The following FAM20A variants were observed in gnomAD, a reference collection of about 807,000 sequenced individuals.
FAM20A encodes FAM20A golgi associated secretory pathway pseudokinase.
In FAM20A, 42 loss-of-function variants were observed where a neutral mutation model predicts 52.0. The observed-to-expected ratio is 0.81, with a 90% CI of 0.63 to 1.04. FAM20A has a LOEUF of 1.04. Ranked by LOEUF, FAM20A falls within the 50% of genes least tolerant of loss-of-function variation. The pLI is 0.00. For synonymous variants in FAM20A, 304 were observed against 298.9 expected, an observed-to-expected ratio of 1.02 and a Z score of -0.18; for missense variants, 742 against 712.7, an observed-to-expected ratio of 1.04 and a Z score of -0.47.
Position 68,545,273 on chromosome 17 carries a change from G to A in FAM20A, c.720-1552C>T, listed in dbSNP as rs74985408. Among the ~76,000 whole-genome samples the A allele has an allele frequency of 3.2e-3, 484 of 152,206 alleles. 1 individual carries two copies. Among genetic ancestry groups the A allele is most frequent in the African/African-American group, 0.011 (457 of 41,510 alleles). ...GTTGGAGGGTTTTGCATTGTATTTC[G>A]GAAAAAAGCTGGCTAGTTGGAACAA... On this transcript the variant is annotated intron_variant, in intron 4 of 10. Transcript: ENST00000592554.
At chr17:68,539,514 A>C in intron 9 of FAM20A, 118 bp from the exon 10 acceptor site, 8 of 886,486 alleles carry the variant, frequency 9.0e-6, no homozygotes, top group Non-Finnish European at 1.5e-5. Flanking sequence ...GCCAGGGATC[A>C]TGGCAGCTGC....
intron 1 of FAM20A, among the ~76,000 whole-genome samples, chr17:68,599,520 AT>A (rs1342451214): frequency 6.6e-6 from 1 of 152,044 alleles, no homozygotes; most frequent in African/African-American, 2.4e-5. Context: ...TCCCTGAAAG[AT>A]TTTTTTCTCG....
chr17:68,551,941 G>C lies in FAM20A; in HGVS notation c.651C>G (p.Pro217=). Residue 217 remains proline (P), a synonymous_variant, in exon 4 of 11, where the codon CCC becomes CCG. Coordinates refer to ENST00000592554, the MANE Select transcript of FAM20A (RefSeq NM_017565.4). ...GACDCTQIVK[P]SGVHLKLVLR... The stretch of plus-strand genomic sequence containing the variant: ...GCACCAGCTTGAGGTGGACCCCACT[G>C]GGTTTCACAACTGTGAAAGGCAGAA... The C allele has an allele frequency of 6.3e-7, 1 of 1,585,808 alleles. No homozygotes were observed. The highest frequency in any genetic ancestry group is 1.1e-5 in the South Asian group (1 of 87,004).
At position 68,537,281 on chromosome 17, in the gene FAM20A, G is replaced by A. The variant is rs535802048; in HGVS notation, c.*196C>T. ...TTTGGGAAAAACGGAGCAAGGCAACGCACGACAGAAGCGGTGCACCAAGGA... is the reference window on the plus strand; with the variant it reads ...TTTGGGAAAAACGGAGCAAGGCAACACACGACAGAAGCGGTGCACCAAGGA... On this transcript the variant is annotated 3_prime_UTR_variant, in exon 11 of 11. Transcript: ENST00000592554. This position sits in a 1 kb window ranked among gnomAD's most constrained non-coding sequence, Gnocchi z 4.2. 4.3e-5 allele frequency: 33 copies of A among 764,724 alleles called. No homozygotes were observed. The East Asian group carries it at 4.6e-4, about 11-fold the overall frequency. The allele number at this position is 764,724 out of a possible 1,614,324, so 47.4% of individuals were successfully genotyped here.
At chr17:68,562,619 C>CA (rs372566512) in intron 1 of FAM20A, among the ~76,000 whole-genome samples, 1 of 151,962 alleles carries the variant, frequency 6.6e-6, no homozygotes, top group African/African-American at 2.4e-5. Context: ...CATCCCCCCC[C>CA]CTTTTTATTT....
chr17:68,557,658 A>T (rs537924946), intron 1 of FAM20A: 1 of 152,330 alleles, frequency 6.6e-6, no homozygotes, highest in Non-Finnish European at 1.5e-5. Flanking sequence ...CACCCCAAAC[A>T]GACTAAGGCA....
intron 1 of FAM20A, among the ~76,000 whole-genome samples, chr17:68,576,063 A>G (rs1159343679): frequency 6.6e-6 from 1 of 152,112 alleles, no homozygotes; most frequent in Non-Finnish European, 1.5e-5. Flanking sequence ...GGGTCTGGCC[A>G]GCCAATGGAA....
rs570054668 is a variant in FAM20A, at chr17:68,535,732, G to A, written c.*1745C>T. On this transcript the variant is annotated 3_prime_UTR_variant, in exon 11 of 11. Coordinates refer to ENST00000592554, the MANE Select transcript of FAM20A (RefSeq NM_017565.4). ...TTGTCATGTTACCCAGGCTGGTCTC[G>A]AGCTCCTGAGACCAAGCGATCTGCC... 1.6e-5 allele frequency: 7 copies of A among 450,072 alleles called. No homozygotes were observed. The highest frequency in any genetic ancestry group is 1.2e-4 in the African/African-American group (6 of 49,222). The allele number at this position is 450,072 out of a possible 1,614,324, so 27.9% of individuals were successfully genotyped here. A position where few individuals can be genotyped will look rare whatever the true frequency, so the allele number is the denominator to read the frequency against.
rs142137059 is a variant in FAM20A at position 68,537,555 on chromosome 17, A to G, written c.1548T>C (p.His516=). 17 of 1,613,464 alleles carry G rather than the reference A, an allele frequency of 1.1e-5. No homozygotes were observed. Among genetic ancestry groups the G allele is most frequent in the South Asian group, 8.8e-5 (8 of 90,982 alleles). ...CGTCGACTATGACACTCTGCTGTCC[A>G]TGGGCCACTATGCACCCCTCCACTG... ...LRTVEGCIVA[H]GQQSVIVDGP... The change falls in exon 11 of 11, where the codon CAT becomes CAC. Residue 516 remains histidine (H), a synonymous_variant. Coordinates refer to ENST00000592554, the MANE Select transcript of FAM20A (RefSeq NM_017565.4). The surrounding 1 kb of genome is among the most constrained non-coding windows in gnomAD (Gnocchi z 4.2).
chr17:68,572,423 A>G (rs1196971195), intron 1 of FAM20A, among the ~76,000 whole-genome samples: 7 of 152,126 alleles, frequency 4.6e-5, no homozygotes, highest in Admixed American at 1.3e-4. Flanking sequence ...GTCCTTATCC[A>G]ATGGACTTTC....
chr17:68,567,020 C>G (rs1207161296), intron 1 of FAM20A, among the ~76,000 whole-genome samples: 2 of 152,138 alleles, frequency 1.3e-5, no homozygotes, highest in Non-Finnish European at 2.9e-5. Context: ...TTCTTTCTCC[C>G]TCTAGCCTTG....
At position 68,555,633 on chromosome 17, in the gene FAM20A, C is replaced by A. The variant is rs1408646597; in HGVS notation, c.515G>T (p.Gly172Val). The change falls in exon 2 of 11, where the codon GGG (glycine) becomes GTG (valine). Residue 172 changes from glycine (G) to valine (V), a missense_variant. Transcript: ENST00000592554. ...AACAGGGCTGGACCGGGAGTAGAGC[C>A]CATGGCGGTTAATACCCAGGTGGAA... ...VQFHLGINRHGLYSRSSPVVS... is the reference protein window; with the variant it reads ...VQFHLGINRHVLYSRSSPVVS... The A allele has an allele frequency of 6.2e-7, 1 of 1,613,690 alleles. No homozygotes were observed. Among genetic ancestry groups the A allele is most frequent in the Admixed American group, 1.7e-5 (1 of 60,022 alleles).
intron 1 of FAM20A, among the ~76,000 whole-genome samples, chr17:68,560,883 A>C (rs919464992): frequency 6.6e-6 from 1 of 152,216 alleles, no homozygotes; most frequent in Non-Finnish European, 1.5e-5. Context: ...TAGGTGAAAA[A>C]TGGTATCACA....
chr17:68,598,023 T>TTTTTTA (rs2088504587), intron 1 of FAM20A: 1 of 149,508 alleles, frequency 6.7e-6, no homozygotes, highest in Non-Finnish European at 1.5e-5. Flanking sequence ...TTTTTTTTTC[T>TTTTTTA]GAGGCAAGGT....
chr17:68,554,073 C>A (rs1034650452), intron 3 of FAM20A, among the ~76,000 whole-genome samples: 1 of 148,286 alleles, frequency 6.7e-6, no homozygotes, highest in Non-Finnish European at 1.5e-5. Context: ...CACACATATA[C>A]ACACATATAT....
intron 1 of FAM20A, among the ~76,000 whole-genome samples, chr17:68,575,877 T>C (rs980376219): frequency 4.1e-5 from 6 of 144,890 alleles, no homozygotes; most frequent in Non-Finnish European, 7.5e-5. Context: ...CAGGGCGTGA[T>C]GTTTAGGCAC....
intron 1 of FAM20A, among the ~76,000 whole-genome samples, chr17:68,595,718 A>T (rs2088433882): frequency 6.6e-6 from 1 of 152,220 alleles, no homozygotes; most frequent in Non-Finnish European, 1.5e-5. Flanking sequence ...GCCACCATCC[A>T]TGAGTAAGAA....
chr17:68,564,722 A>G (rs1052266077), intron 1 of FAM20A, among the ~76,000 whole-genome samples: 1 of 152,140 alleles, frequency 6.6e-6, no homozygotes, highest in African/African-American at 2.4e-5. Context: ...AGGCATGGGG[A>G]TGGCAGGAAG....
At position 68,536,352 on chromosome 17, in the gene FAM20A, C is replaced by A. The variant is rs1307605890; in HGVS notation, c.*1125G>T. On this transcript the variant is annotated 3_prime_UTR_variant, in exon 11 of 11. Coordinates refer to ENST00000592554, the MANE Select transcript of FAM20A (RefSeq NM_017565.4). ...GTCACTCCATGGAATGAAGACCTTA[C>A]TGTCCTTTGTGTTTTCGGTCATTAA... 1 of 454,066 alleles carries A rather than the reference C, an allele frequency of 2.2e-6. No individual in the cohort carries two copies. The allele number at this position is 454,066 out of a possible 1,614,324, so 28.1% of individuals were successfully genotyped here.
Sources: allele counts gnomAD v4.1 joint callset (sites outside exome capture counted in the v4.1 genomes callset), GRCh38; gene constraint gnomAD v4.1.1; non-coding constraint Gnocchi (gnomAD v3.1); transcripts MANE v1.5; gene names NCBI Gene and HGNC (gene_info 2026-07-23, HGNC 2026-07-21).